Variants in TNPO1 observed in about 807,000 individuals in gnomAD.
TNPO1 encodes transportin-1.
TNPO1 carries 8 observed loss-of-function variants against 119.5 expected under a neutral mutation model. The ratio of observed to expected loss-of-function variants is 0.07; its 90% CI spans 0.04 to 0.12. TNPO1 has a LOEUF of 0.12. Ranked by LOEUF, TNPO1 falls within the 10% of genes least tolerant of loss-of-function variation. The pLI, the probability that TNPO1 is intolerant of heterozygous loss-of-function variation, is 1.00. For missense variants in TNPO1, 576 were observed against 1,089.8 expected (o/e 0.53, Z 6.64); for synonymous variants, 362 against 363.0 (o/e 1.00, Z 0.03).
In TNPO1 at chr5:72,848,058, G is replaced by A. The variant is rs182682523; in HGVS notation, c.16-327G>A. 1.6e-5 allele frequency: 17 copies of A among 1,057,960 alleles called. No homozygotes were observed. In the East Asian group the frequency reaches 7.1e-4, roughly 44 times the overall value. The allele number at this position is 1,057,960 out of a possible 1,614,324, so 65.5% of individuals were successfully genotyped here. ...GATGGGTTGGGTTGGAGAAAACTGC[G>A]TGGCACTAGGACCCAGGGGGCTCCC... On this transcript the variant is annotated intron_variant, in intron 1 of 24. Coordinates refer to ENST00000337273, the MANE Select transcript of TNPO1 (RefSeq NM_002270.4).
Position 72,911,849 on chromosome 5 carries a change from T to C in TNPO1, c.*3176T>C, listed in dbSNP as rs1228476673. 6.6e-6 allele frequency: 1 copy of C among 152,524 alleles called. No individual in the cohort carries two copies. Among genetic ancestry groups the C allele is most frequent in the Non-Finnish European group, 1.5e-5 (1 of 67,944 alleles). 9.4% of individuals were successfully genotyped at this position (152,524 alleles called of 1,614,324 possible). Reference sequence around the variant, plus strand: ...TTTACTGTTTTATATATGCCTTCTTTTTCCTGTTTGAGCTTCTCTCTTTGA... The same window carrying C: ...TTTACTGTTTTATATATGCCTTCTTCTTCCTGTTTGAGCTTCTCTCTTTGA... On this transcript the variant is annotated 3_prime_UTR_variant, in exon 25 of 25. Transcript: ENST00000337273.
chr5:72,883,409 A>G (rs1003177285), intron 11 of TNPO1, among the ~76,000 whole-genome samples, 177 bp downstream of exon 11: 1 of 152,194 alleles, frequency 6.6e-6, no homozygotes, highest in Non-Finnish European at 1.5e-5. Context: ...TTCATCACCC[A>G]TACCCTTTAG....
chr5:72,872,563 G>A, intron 6 of TNPO1, 76 bp from the exon 7 acceptor site: 2 of 955,134 alleles, frequency 2.1e-6, no homozygotes, highest in Non-Finnish European at 3.2e-6. Context: ...TTTTATGGAG[G>A]AATGTTTTTA....
At chr5:72,906,264 C>CTTTTTTTTTCTTTTTTTTTTTTTTT (rs1561365743) in intron 24 of TNPO1, among the ~76,000 whole-genome samples, 1 of 90,238 alleles carries the variant, frequency 1.1e-5, no homozygotes, top group African/African-American at 4.7e-5. Context: ...GTGCCCATCA[C>CTTTTTTTTTCTTTTTTTTTTTTTTT]TTTTTTTTTT....
At chr5:72,897,770 C>G (rs1052026053) in intron 20 of TNPO1, among the ~76,000 whole-genome samples, 4 of 151,768 alleles carry the variant, frequency 2.6e-5, no homozygotes, top group African/African-American at 9.7e-5. Flanking sequence ...CTGATTGCTG[C>G]TAACAATCCA....
intron 24 of TNPO1, among the ~76,000 whole-genome samples, chr5:72,908,367 A>G (rs1221085922): frequency 6.6e-6 from 1 of 152,220 alleles, no homozygotes; most frequent in Non-Finnish European, 1.5e-5. Flanking sequence ...AGAAATAACA[A>G]GTTCCCATTG....
intron 1 of TNPO1, among the ~76,000 whole-genome samples, chr5:72,847,490 T>G (rs929930932): frequency 1.3e-5 from 2 of 152,220 alleles, no homozygotes; most frequent in East Asian, 3.8e-4. Context: ...AGTTGCCACA[T>G]GGAGGCAAAT....
At chr5:72,868,551 A>G (rs1747129992) in intron 6 of TNPO1, among the ~76,000 whole-genome samples, 1 of 150,560 alleles carries the variant, frequency 6.6e-6, no homozygotes, top group Admixed American at 6.7e-5. Flanking sequence ...TTGCTGTCAC[A>G]TTTATTTTAT....
At chr5:72,900,922 C>A in intron 21 of TNPO1, 52 bp from the exon 22 acceptor site, 1 of 1,241,908 alleles carries the variant, frequency 8.1e-7, no homozygotes, top group East Asian at 2.4e-5. Flanking sequence ...TTAGTATTGT[C>A]ATTGAATCTG....
At chr5:72,856,749 C>A (rs189701173) in intron 4 of TNPO1, among the ~76,000 whole-genome samples, 1 of 152,258 alleles carries the variant, frequency 6.6e-6, no homozygotes, top group African/African-American at 2.4e-5. Context: ...AGGGGCAGTA[C>A]AACTTTCTGT....
chr5:72,877,162 A>G, intron 8 of TNPO1, 66 bp from the exon 9 acceptor site: 1 of 789,466 alleles, frequency 1.3e-6, no homozygotes, highest in South Asian at 2.2e-5. Context: ...GCTTGATAAT[A>G]GGACTGAATT....
At chr5:72,892,524 T>A (rs1483266521) in intron 15 of TNPO1, among the ~76,000 whole-genome samples, 6 of 152,122 alleles carry the variant, frequency 3.9e-5, no homozygotes. Context: ...ACAAGAAGAA[T>A]CATTATGGTT....
In TNPO1 at chr5:72,822,120, T is replaced by A. The variant is rs1263822796; in HGVS notation, c.15+5368T>A. Among the ~76,000 whole-genome samples, 4 of 152,164 alleles carry A rather than the reference T, an allele frequency of 2.6e-5. 1 individual carries two copies. The highest frequency in any genetic ancestry group is 2.6e-4 in the Admixed American group (4 of 15,278). Reference sequence around the variant, plus strand: ...CCCTATCATGAGCCATTGAAAGATATGAAACGAATCTAGAAGATTGATTTG... The same window carrying A: ...CCCTATCATGAGCCATTGAAAGATAAGAAACGAATCTAGAAGATTGATTTG... On this transcript the variant is annotated intron_variant, in intron 1 of 24. Transcript: ENST00000337273.
chr5:72,900,959 T>G lies in TNPO1; in HGVS notation c.2415-15T>G, dbSNP rs761104614. 1 of 1,582,976 alleles carries G rather than the reference T, an allele frequency of 6.3e-7. No homozygotes were observed. Among genetic ancestry groups the G allele is most frequent in the Non-Finnish European group, 8.6e-7 (1 of 1,159,778 alleles). The stretch of plus-strand genomic sequence containing the variant: ...TTGTTACTTAAATGCTAAACTCAAT[T>G]CTGTAATTCAATAGGTGCACCTCTC... On this transcript the variant is annotated splice_polypyrimidine_tract_variant and intron_variant, in intron 21 of 24. Transcript: ENST00000337273.
chr5:72,868,014 AG>A (rs1039859545), intron 6 of TNPO1, among the ~76,000 whole-genome samples: 17 of 152,110 alleles, frequency 1.1e-4, no homozygotes, highest in African/African-American at 4.1e-4. Context: ...TTTTTCTACT[AG>A]GTTATTTGTA....
In TNPO1 at chr5:72,881,893, T is replaced by C. The variant is rs114535309; in HGVS notation, c.921-574T>C. Among the ~76,000 whole-genome samples, 953 of 152,300 alleles carry C rather than the reference T, an allele frequency of 6.3e-3. 10 individuals are homozygous for C. Among genetic ancestry groups the C allele is most frequent in the African/African-American group, 0.022 (913 of 41,564 alleles). The stretch of plus-strand genomic sequence containing the variant: ...TGTTGCCTCATTTTCCATAACTTTA[T>C]AACTTGCTGCAGTTTTTTGTCTTCA... On this transcript the variant is annotated intron_variant, in intron 9 of 24. Coordinates refer to ENST00000337273, the MANE Select transcript of TNPO1 (RefSeq NM_002270.4).
intron 9 of TNPO1, chr5:72,878,886 C>T: frequency 2.0e-6 from 1 of 504,200 alleles, no homozygotes; most frequent in South Asian, 1.5e-5. Context: ...TTGAGGGGTA[C>T]AGCATCACTC....
At chr5:72,860,092 C>T (rs998957404) in intron 4 of TNPO1, among the ~76,000 whole-genome samples, 10 of 151,936 alleles carry the variant, frequency 6.6e-5, no homozygotes, top group Admixed American at 2.0e-4. Flanking sequence ...ATAAATTTGC[C>T]GGGAGCTTTA....
rs1214556275 is a variant in TNPO1, at chr5:72,896,501, C to T, written c.2187C>T (p.Phe729=). 1 of 1,611,946 alleles carries T rather than the reference C, an allele frequency of 6.2e-7. No homozygotes were observed. Among genetic ancestry groups the T allele is most frequent in the South Asian group, 1.1e-5 (1 of 90,962 alleles). Residue 729 remains phenylalanine (F), a synonymous_variant, in exon 19 of 25, where the codon TTC becomes TTT. Coordinates refer to ENST00000337273, the MANE Select transcript of TNPO1 (RefSeq NM_002270.4). The part of the protein sequence containing the change: ...PILGTNLNPE[F]ISVCNNATWA... ...TGGGAACCAACCTAAATCCAGAATTCATTTCAGTCTGCAACAATGCCACAT... is the reference window on the plus strand; with the variant it reads ...TGGGAACCAACCTAAATCCAGAATTTATTTCAGTCTGCAACAATGCCACAT...
Sources: allele counts gnomAD v4.1 joint callset (sites outside exome capture counted in the v4.1 genomes callset), GRCh38; gene constraint gnomAD v4.1.1; transcripts MANE v1.5; gene names NCBI Gene and HGNC (gene_info 2026-07-23, HGNC 2026-07-21).